The following CASK variants were observed in gnomAD, a reference collection of about 807,000 sequenced individuals.
The protein encoded by CASK is peripheral plasma membrane protein CASK.
A neutral mutation model predicts 82.9 loss-of-function variants in CASK; 4 were observed. The observed-to-expected ratio is 0.05, with a 90% CI of 0.02 to 0.11. The LOEUF (loss-of-function observed/expected upper bound fraction) is 0.11. Among genes scored for constraint, CASK ranks in the 10% least tolerant of loss-of-function variants. CASK has a pLI of 1.00. For synonymous variants in CASK, 259 were observed against 253.5 expected (o/e 1.02, Z -0.20); for missense variants, 358 against 720.9 (o/e 0.50, Z 5.76).
At chrX:41,632,766 G>T (rs1450890613) in intron 9 of CASK, among the ~76,000 whole-genome samples, 1 of 111,258 alleles carries the variant, frequency 9.0e-6, no homozygotes, top group Non-Finnish European at 1.9e-5. Context: ...ATTAATAAAG[G>T]CTGGGCGCGG....
rs1357634905 is a variant in CASK at position 41,649,310 on chromosome X, G to C, written c.831+11129C>G. Among the ~76,000 whole-genome samples the C allele has an allele frequency of 4.5e-5, 5 of 111,134 alleles. No homozygotes were observed. In the Admixed American group the frequency reaches 4.8e-4, roughly 11 times the overall value. On this transcript the variant is annotated intron_variant, in intron 8 of 26. Transcript: ENST00000378163. Reference sequence around the variant, plus strand: ...TTCTGCTAGCTTTTGAATTGTGTTTGCTCTTGTTTCTCTAGTTCTCTTTCA... The same window carrying C: ...TTCTGCTAGCTTTTGAATTGTGTTTCCTCTTGTTTCTCTAGTTCTCTTTCA...
chrX:41,691,192 T>G (rs1303833719), intron 5 of CASK, among the ~76,000 whole-genome samples: 1 of 112,131 alleles, frequency 8.9e-6, no homozygotes, highest in African/African-American at 3.2e-5. Flanking sequence ...ATGTGCTTTG[T>G]GCTAACAGCT....
At chrX:41,590,337 T>C (rs1278501864) in intron 12 of CASK, among the ~76,000 whole-genome samples, 1 of 107,974 alleles carries the variant, frequency 9.3e-6, no homozygotes, top group African/African-American at 3.4e-5. Context: ...CAAAACCCCG[T>C]CTCTACTAAA....
At chrX:41,733,705 C>T (rs1009149242) in intron 5 of CASK, among the ~76,000 whole-genome samples, 11 of 109,171 alleles carry the variant, frequency 1.0e-4, no homozygotes, top group South Asian at 4.0e-4. Context: ...GCTGAGATGG[C>T]GCCACTGCAC....
chrX:41,517,584 G>A lies in CASK; in HGVS notation c.*2836C>T. 1 of 371,925 alleles carries A rather than the reference G, an allele frequency of 2.7e-6. No homozygotes were observed. Among genetic ancestry groups the A allele is most frequent in the South Asian group, 4.2e-5 (1 of 23,739 alleles). 30.7% of individuals were successfully genotyped at this position (371,925 alleles called of 1,213,427 possible). A position where few individuals can be genotyped will look rare whatever the true frequency, so the allele number is the denominator to read the frequency against. On this transcript the variant is annotated 3_prime_UTR_variant, in exon 27 of 27. Transcript: ENST00000378163. The stretch of plus-strand genomic sequence containing the variant: ...GTGGGGAATGGAGTTGGGTGGGGGA[G>A]AGAACCTTCAAAATGTGGCTCTCCA...
chrX:41,919,980 A>G (rs976759018), intron 1 of CASK, among the ~76,000 whole-genome samples: 6 of 112,262 alleles, frequency 5.3e-5, no homozygotes, highest in African/African-American at 1.6e-4. Flanking sequence ...GGGGAAAAAA[A>G]CACACTGAAG....
chrX:41,719,347 C>T (rs376802804), intron 5 of CASK, among the ~76,000 whole-genome samples: 3 of 111,855 alleles, frequency 2.7e-5, no homozygotes, highest in Admixed American at 9.4e-5. Context: ...AAGTTACTAG[C>T]GGAATTTAGA....
rs1602431697 is a variant in CASK at position 41,665,451 on chromosome X, T to C, written c.534A>G (p.Gly178=). The change falls in exon 7 of 27, where the codon GGA becomes GGG. Residue 178 remains glycine (G), a splice_region_variant and synonymous_variant. Coordinates refer to ENST00000378163, the MANE Select transcript of CASK (RefSeq NM_001367721.1). ...QLGESGLVAG[G]RVGTPHFMAP... is the part of the protein sequence containing the mutation. ...CCATAAAATGAGGTGTTCCAACACGTCCTACATTTAAAACAACATTAAGGA... is the reference window on the plus strand; with the variant it reads ...CCATAAAATGAGGTGTTCCAACACGCCCTACATTTAAAACAACATTAAGGA... 2.5e-6 allele frequency: 3 copies of C among 1,195,448 alleles called. No homozygotes were observed. The highest frequency in any genetic ancestry group is 3.4e-6 in the Non-Finnish European group (3 of 883,454).
Position 41,669,621 on chromosome X carries a change from A to G in CASK, c.532+1807T>C, listed in dbSNP as rs2067168307. ...CCAGAATTGAGAGAGTTAGCTTAAC[A>G]GTGACATTTGTTTAAAAAATAATTT... is the stretch of plus-strand genomic sequence containing the variant. On this transcript the variant is annotated intron_variant, in intron 6 of 26. Transcript: ENST00000378163. 2.7e-5 allele frequency among the ~76,000 whole-genome samples: 3 copies of G among 112,367 alleles called. No homozygotes were observed. The Admixed American group carries it at 2.8e-4, about 11-fold the overall frequency.
At chrX:41,825,121 A>T (rs1417278329) in intron 2 of CASK, among the ~76,000 whole-genome samples, 1 of 111,885 alleles carries the variant, frequency 8.9e-6, no homozygotes, top group Non-Finnish European at 1.9e-5. Context: ...TTGAGGGAAC[A>T]GATACCCCAT....
intron 2 of CASK, among the ~76,000 whole-genome samples, chrX:41,835,363 G>A (rs1221062536): frequency 9.0e-6 from 1 of 111,416 alleles, no homozygotes. Context: ...CACTGTACCT[G>A]GCCTGGAAAA....
intron 2 of CASK, among the ~76,000 whole-genome samples, chrX:41,812,694 C>T (rs2070318995): frequency 9.0e-6 from 1 of 111,456 alleles, no homozygotes; most frequent in Non-Finnish European, 1.9e-5. Flanking sequence ...ACAGGGATGC[C>T]CTCTCTCACC....
At chrX:41,573,182 T>A (rs1334992752) in intron 15 of CASK, among the ~76,000 whole-genome samples, 3 of 104,337 alleles carry the variant, frequency 2.9e-5, no homozygotes, top group Non-Finnish European at 5.9e-5. Flanking sequence ...GGTCAAGCAA[T>A]TCTCCTACCT....
intron 5 of CASK, among the ~76,000 whole-genome samples, chrX:41,722,925 T>C (rs950105344): frequency 8.9e-6 from 1 of 112,281 alleles, no homozygotes; most frequent in East Asian, 2.8e-4. Flanking sequence ...AATTCCTTCC[T>C]GGAACATGAT....
At chrX:41,702,837 GTCT>G (rs1170910592) in intron 5 of CASK, among the ~76,000 whole-genome samples, 1 of 111,796 alleles carries the variant, frequency 8.9e-6, no homozygotes, top group African/African-American at 3.3e-5. Flanking sequence ...TTTAAAACTA[GTCT>G]TCTAACCATC....
intron 21 of CASK, among the ~76,000 whole-genome samples, chrX:41,548,350 T>C (rs1310982205): frequency 2.7e-5 from 3 of 112,129 alleles, no homozygotes; most frequent in African/African-American, 9.7e-5. Context: ...TTTACTTCTG[T>C]GTTCATGACA....
chrX:41,728,669 G>C (rs956771270), intron 5 of CASK: 2 of 123,023 alleles, frequency 1.6e-5, no homozygotes, highest in Admixed American at 1.9e-4. Flanking sequence ...GCTTGAGCCC[G>C]GGACGGAGGT....
intron 7 of CASK, among the ~76,000 whole-genome samples, chrX:41,660,809 C>T (rs886317082): frequency 8.9e-6 from 1 of 111,828 alleles, no homozygotes; most frequent in Non-Finnish European, 1.9e-5. Flanking sequence ...ATAATATTTT[C>T]AATAATTGAA....
At chrX:41,830,752 G>A (rs758340801) in intron 2 of CASK, among the ~76,000 whole-genome samples, 11 of 104,422 alleles carry the variant, frequency 1.1e-4, no homozygotes, top group Non-Finnish European at 1.8e-4. Flanking sequence ...CCCAGGAGGC[G>A]GAGCTTGCAG....
Sources: gnomAD v4.1 joint callset for allele counts (sites outside exome capture counted in the v4.1 genomes callset) on GRCh38, gnomAD v4.1.1 for gene constraint, MANE v1.5 for transcripts, NCBI Gene and HGNC (gene_info 2026-07-23, HGNC 2026-07-21) for gene names.